Variants in STS observed in about 807,000 individuals in gnomAD.
STS encodes steroid sulfatase, also known as steryl-sulfatase.
In STS, 7 loss-of-function variants were observed where a neutral mutation model predicts 26.8. The observed-to-expected ratio is 0.26, with a 90% CI of 0.15 to 0.49. The LOEUF (loss-of-function observed/expected upper bound fraction) is 0.49, where lower values mean the gene tolerates loss of function less well. Among genes scored for constraint, STS ranks in the 20% least tolerant of loss-of-function variants. STS has a pLI of 0.98. For missense variants in STS, 434 were observed against 465.6 expected (o/e 0.93, Z 0.63); for synonymous variants, 199 against 189.4 (o/e 1.05, Z -0.42).
intron 8 of STS, among the ~76,000 whole-genome samples, chrX:7,320,053 TTA>T (rs1195502531): frequency 8.3e-4 from 79 of 95,363 alleles, no homozygotes; most frequent in Middle Eastern, 0.01. Flanking sequence ...TTATATATAT[TTA>T]TATATATATT....
chrX:7,157,010 A>T (rs371920273), intron 1 of STS, among the ~76,000 whole-genome samples: 14 of 111,722 alleles, frequency 1.3e-4, no homozygotes, highest in African/African-American at 4.6e-4. Flanking sequence ...AATGGCTTGG[A>T]GGAGAATATT....
rs1459441040 is a variant in STS, at chrX:7,182,807, A to T, written c.-133-8073A>T. 3.6e-5 allele frequency among the ~76,000 whole-genome samples: 4 copies of T among 110,998 alleles called. No individual in the cohort carries two copies. In the East Asian group the frequency reaches 1.1e-3, roughly 32 times the overall value. ...GATGGGACCTTACAGAAGGGACCTT[A>T]TATCAGTTCCTCCATCAATTCTGCT... On this transcript the variant is annotated intron_variant, in intron 1 of 10. Transcript: ENST00000674429.
chrX:7,162,925 C>T (rs770919600), intron 1 of STS, among the ~76,000 whole-genome samples: 7 of 103,154 alleles, frequency 6.8e-5, no homozygotes, highest in African/African-American at 1.8e-4. Flanking sequence ...GGCCTGGTGG[C>T]GCGCGCCTGT....
chrX:7,330,199 C>G (rs1433051969), intron 9 of STS, among the ~76,000 whole-genome samples: 2 of 111,686 alleles, frequency 1.8e-5, no homozygotes, highest in African/African-American at 6.5e-5. Context: ...GCAACAAGGA[C>G]TTACAAAAAA....
chrX:7,330,898 G>GAT (rs1456555161), intron 9 of STS, among the ~76,000 whole-genome samples: 3 of 112,102 alleles, frequency 2.7e-5, no homozygotes, highest in Non-Finnish European at 5.6e-5. Flanking sequence ...ATTTATTACA[G>GAT]ATATATGTAC....
chrX:7,267,042 T>C (rs1445545192), intron 6 of STS, among the ~76,000 whole-genome samples: 3 of 112,281 alleles, frequency 2.7e-5, no homozygotes, highest in African/African-American at 6.5e-5. Context: ...CCACAGGTAA[T>C]AAAGAGTAGA....
intron 2 of STS, among the ~76,000 whole-genome samples, chrX:7,211,537 C>A (rs1179425779): frequency 2.7e-5 from 3 of 112,237 alleles, no homozygotes; most frequent in Non-Finnish European, 5.6e-5. Flanking sequence ...CTCTGTCCGA[C>A]TTCTGGCCAT....
intron 2 of STS, among the ~76,000 whole-genome samples, chrX:7,250,263 A>C (rs1459843579): frequency 9.0e-6 from 1 of 110,681 alleles, no homozygotes; most frequent in Admixed American, 9.7e-5. Flanking sequence ...ATCTGACAAT[A>C]AGAGAATTGG....
At chrX:7,344,739 C>T (rs1264256901) in intron 10 of STS, among the ~76,000 whole-genome samples, 1 of 111,726 alleles carries the variant, frequency 9.0e-6, no homozygotes, top group African/African-American at 3.3e-5. Flanking sequence ...GTTGGGGGCA[C>T]CTTGCTTTAG....
Position 7,246,884 on chromosome X carries a change from C to T in STS, c.-4-6312C>T, listed in dbSNP as rs751003595. On this transcript the variant is annotated intron_variant, in intron 2 of 10. Coordinates refer to ENST00000674429, the MANE Select transcript of STS (RefSeq NM_001320752.2). ...TTTTAAAAGAGAGAAGATGCAAGGC[C>T]TACGCCAGGGACTAAATCATTTCAC... Among the ~76,000 whole-genome samples, 5 of 112,807 alleles carry T rather than the reference C, an allele frequency of 4.4e-5. 1 individual carries two copies. In the East Asian group the frequency reaches 1.1e-3, roughly 25 times the overall value.
At chrX:7,173,144 G>A (rs1319171888) in intron 1 of STS, among the ~76,000 whole-genome samples, 8 of 110,880 alleles carry the variant, frequency 7.2e-5, no homozygotes, top group African/African-American at 9.9e-5. Flanking sequence ...CTGTAGGCAT[G>A]TGTTCTCATT....
At chrX:7,306,656 A>G (rs1200036731) in intron 8 of STS, among the ~76,000 whole-genome samples, 1 of 111,437 alleles carries the variant, frequency 9.0e-6, no homozygotes, top group East Asian at 2.8e-4. Flanking sequence ...CATGCACAAG[A>G]TACTAATGGC....
chrX:7,184,335 G>A (rs1309888253), intron 1 of STS, among the ~76,000 whole-genome samples: 11 of 112,412 alleles, frequency 9.8e-5, no homozygotes, highest in African/African-American at 3.6e-4. Context: ...AATTTCCATC[G>A]TGGTCTTGAA....
In STS at chrX:7,350,259, T is replaced by C; in HGVS notation, c.1735T>C (p.Ter579GlnextTer29). The C allele has an allele frequency of 3.3e-6, 4 of 1,206,473 alleles. No individual in the cohort carries two copies. The highest frequency in any genetic ancestry group is 4.5e-6 in the Non-Finnish European group (4 of 893,088). ...REKQDKRLSR* is the reference protein window; with the variant it reads ...REKQDKRLSRQ ...AAAACAGGATAAGAGACTGAGCCGCTAGCAGCGCCTGGGGACCAGACAGAC... is the reference window on the plus strand; with the variant it reads ...AAAACAGGATAAGAGACTGAGCCGCCAGCAGCGCCTGGGGACCAGACAGAC... The change falls in exon 11 of 11, where the codon TAG becomes CAG. Residue 579 changes from the stop codon to glutamine, a stop_lost. Coordinates refer to ENST00000674429, the MANE Select transcript of STS (RefSeq NM_001320752.2).
intron 8 of STS, among the ~76,000 whole-genome samples, chrX:7,308,536 G>T (rs1441054434): frequency 9.0e-6 from 1 of 111,408 alleles, no homozygotes; most frequent in Admixed American, 9.6e-5. Context: ...AGCCTCAATG[G>T]TCTTGAATAA....
At chrX:7,252,749 C>T (rs759574859) in intron 2 of STS, among the ~76,000 whole-genome samples, 18 of 111,743 alleles carry the variant, frequency 1.6e-4, no homozygotes, top group Admixed American at 1.1e-3. Context: ...CAGACATGGA[C>T]GATGGATGAA....
chrX:7,194,228 CAG>C (rs1373989988), intron 2 of STS, among the ~76,000 whole-genome samples: 2 of 110,210 alleles, frequency 1.8e-5, no homozygotes, highest in African/African-American at 6.8e-5. Flanking sequence ...AAAGAAATCA[CAG>C]AGTTATCAAA....
intron 10 of STS, among the ~76,000 whole-genome samples, chrX:7,344,240 G>A (rs1928422466): frequency 1.8e-5 from 2 of 111,561 alleles, no homozygotes; most frequent in South Asian, 3.8e-4. Context: ...TTGTCAACCT[G>A]GGTACTAGTA....
chrX:7,205,946 A>G (rs755329881), intron 2 of STS, among the ~76,000 whole-genome samples: 33 of 110,158 alleles, frequency 3.0e-4, no homozygotes, highest in African/African-American at 9.9e-4. Context: ...TTTCACAGTC[A>G]TTGCATAATT....
Sources: gnomAD v4.1 joint callset for allele counts (sites outside exome capture counted in the v4.1 genomes callset) on GRCh38, gnomAD v4.1.1 for gene constraint, MANE v1.5 for transcripts, NCBI Gene and HGNC (gene_info 2026-07-23, HGNC 2026-07-21) for gene names.